Variants in ARMC10 observed in about 807,000 individuals in gnomAD.
ARMC10 encodes the protein armadillo repeat containing 10, also known as armadillo repeat-containing protein 10.
In ARMC10, 23 loss-of-function variants were observed where a neutral mutation model predicts 30.2. The ratio of observed to expected loss-of-function variants is 0.76; its 90% confidence interval spans 0.55 to 1.08. The LOEUF (loss-of-function observed/expected upper bound fraction) is 1.08, where lower values mean the gene tolerates loss of function less well. Ranked by LOEUF, ARMC10 falls within the 50% of genes least tolerant of loss-of-function variation. ARMC10 has a pLI of 0.00. For synonymous variants in ARMC10, 111 were observed against 164.4 expected (o/e 0.68, Z 2.48); for missense variants, 303 against 413.7 (o/e 0.73, Z 2.32).
intron 6 of ARMC10, 87 bp from the exon 7 acceptor site, chr7:103,098,212 C>CA: frequency 8.6e-7 from 1 of 1,161,240 alleles, no homozygotes; most frequent in Non-Finnish European, 1.1e-6. Context: ...GTGAGTTATT[C>CA]AATGTAGTTT....
chr7:103,082,985 C>T, intron 2 of ARMC10: 1 of 447,766 alleles, frequency 2.2e-6, no homozygotes, highest in Non-Finnish European at 4.5e-6. Context: ...TTGGTTTACT[C>T]TCATAGCTTT....
intron 4 of ARMC10, chr7:103,087,832 A>G (rs1021223059): frequency 1.0e-6 from 1 of 965,970 alleles, no homozygotes; most frequent in African/African-American, 1.8e-5. Flanking sequence ...CAAGTACTAT[A>G]TAGACTAGAA....
intron 5 of ARMC10, 136 bp from the exon 6 acceptor site, chr7:103,097,141 G>A: frequency 1.4e-6 from 1 of 719,432 alleles, no homozygotes; most frequent in South Asian, 1.6e-5. Flanking sequence ...AAGGTTTCCT[G>A]GAGTAGAGAG....
chr7:103,083,653 T>TA, intron 2 of ARMC10, 29 bp from the exon 3 acceptor site: 1 of 1,586,066 alleles, frequency 6.3e-7, no homozygotes. Flanking sequence ...GATTTTAGCT[T>TA]AACTTCAAAT....
intron 4 of ARMC10, among the ~76,000 whole-genome samples, chr7:103,091,488 T>TTATA (rs71110812): frequency 0.023 from 671 of 29,032 alleles, 5 homozygotes; most frequent in Middle Eastern, 0.056. Context: ...AAGGGGTGAA[T>TTATA]TATATATATA....
At chr7:103,084,557 C>T (rs2129521744) in intron 3 of ARMC10, among the ~76,000 whole-genome samples, 1 of 152,226 alleles carries the variant, frequency 6.6e-6, no homozygotes, top group East Asian at 1.9e-4. Flanking sequence ...ACAGAATTCA[C>T]TTTAAATTAT....
At position 103,097,362 on chromosome 7, in the gene ARMC10, A is replaced by AT. The variant is rs770528219; in HGVS notation, c.777+15dup. ...CTCCGTGCCCAAGTAAATAGCTTAT[A>AT]TATTTATTTTGTAAATATACACATA... On this transcript the variant is annotated intron_variant, in intron 6 of 6. Transcript: ENST00000323716. The AT allele has an allele frequency of 3.8e-6, 6 of 1,571,314 alleles. No homozygotes were observed. In the South Asian group the frequency reaches 5.6e-5, roughly 15 times the overall value.
rs913253646 is a variant in ARMC10, at chr7:103,075,674, C to T, written c.140-103C>T. 1.0e-5 allele frequency: 10 copies of T among 956,012 alleles called. No individual in the cohort carries two copies. The African/African-American group carries it at 1.7e-4, about 16-fold the overall frequency. The allele number at this position is 956,012 out of a possible 1,614,324, so 59.2% of individuals were successfully genotyped here. A position where few individuals can be genotyped will look rare whatever the true frequency, so the allele number is the denominator to read the frequency against. On this transcript the variant is annotated intron_variant, in intron 1 of 6. Transcript: ENST00000323716. The stretch of plus-strand genomic sequence containing the variant: ...TCTTAAAAACCTGTTGATGGCCTCT[C>T]ATTTTAAAGCTTGCTCCGGGCCTTT...
intron 4 of ARMC10, among the ~76,000 whole-genome samples, chr7:103,091,018 G>A (rs555552857): frequency 6.6e-6 from 1 of 152,144 alleles, no homozygotes; most frequent in South Asian, 2.1e-4. Flanking sequence ...TGGGACAATT[G>A]GTAACTTACC....
chr7:103,096,880 G>C, intron 5 of ARMC10: 1 of 201,980 alleles, frequency 5.0e-6, no homozygotes, highest in Non-Finnish European at 1.0e-5. Flanking sequence ...GAAGACATTT[G>C]CAATATTCTA....
Position 103,087,704 on chromosome 7 carries a change from A to G in ARMC10, c.528+940A>G, listed in dbSNP as rs904892729. On this transcript the variant is annotated intron_variant, in intron 4 of 6. Coordinates refer to ENST00000323716, the MANE Select transcript of ARMC10 (RefSeq NM_031905.5). ...ATAACCAAACTTTATTTCCTTGAAT[A>G]TAATGTTGATGGCAAGATTTGTAAG... 3 of 869,410 alleles carry G rather than the reference A, an allele frequency of 3.5e-6. No individual in the cohort carries two copies. The Admixed American group carries it at 1.9e-4, about 54-fold the overall frequency. The allele number at this position is 869,410 out of a possible 1,614,324, so 53.9% of individuals were successfully genotyped here. A position where few individuals can be genotyped will look rare whatever the true frequency, so the allele number is the denominator to read the frequency against.
intron 4 of ARMC10, among the ~76,000 whole-genome samples, chr7:103,090,520 A>G (rs991522119): frequency 4.6e-4 from 70 of 152,156 alleles, no homozygotes; most frequent in Admixed American, 4.5e-3. Context: ...TTGTTTTGAG[A>G]CGGAGTCTCA....
At chr7:103,096,410 A>G (rs956107456) in intron 5 of ARMC10, 4 of 152,216 alleles carry the variant, frequency 2.6e-5, no homozygotes, top group African/African-American at 9.7e-5. Context: ...ACATTAAAAG[A>G]TAACCTCAAA....
At chr7:103,080,892 C>T (rs1203157563) in intron 2 of ARMC10, among the ~76,000 whole-genome samples, 1 of 151,624 alleles carries the variant, frequency 6.6e-6, no homozygotes, top group East Asian at 2.0e-4. Context: ...TCCCAGAGTG[C>T]TGGGATTACA....
At chr7:103,080,863 T>C (rs561750221) in intron 2 of ARMC10, among the ~76,000 whole-genome samples, 12 of 152,198 alleles carry the variant, frequency 7.9e-5, no homozygotes, top group African/African-American at 2.9e-4. Context: ...CCTAACCTCG[T>C]GATCCGCCCA....
chr7:103,096,380 T>C (rs1230804514), intron 5 of ARMC10: 1 of 152,148 alleles, frequency 6.6e-6, no homozygotes. Flanking sequence ...TGCTTATTTA[T>C]ATGATTGTAA....
Position 103,075,207 on chromosome 7 carries a change from C to G in ARMC10, c.-66C>G, listed in dbSNP as rs550729212. On this transcript the variant is annotated 5_prime_UTR_variant, in exon 1 of 7. Transcript: ENST00000323716. ...CGGCTAGGCCCGCGTGCGCTGGAGA[C>G]CTCCGCGCTGGCCCCCGCGAGCCTC... The G allele has an allele frequency of 7.2e-6, 8 of 1,105,170 alleles. No homozygotes were observed. In the Admixed American group the frequency reaches 3.4e-4, roughly 47 times the overall value. The allele number at this position is 1,105,170 out of a possible 1,614,324, so 68.5% of individuals were successfully genotyped here.
intron 2 of ARMC10, 93 bp downstream of exon 2, chr7:103,075,974 G>C: frequency 1.1e-6 from 1 of 937,794 alleles, no homozygotes; most frequent in Non-Finnish European, 1.5e-6. Context: ...AAAGTTGATC[G>C]GTACATTAAA....
At chr7:103,080,564 T>C (rs1340752798) in intron 2 of ARMC10, among the ~76,000 whole-genome samples, 3 of 150,544 alleles carry the variant, frequency 2.0e-5, no homozygotes, top group Non-Finnish European at 4.4e-5. Flanking sequence ...CGATAAATGG[T>C]TTTTATTAGA....
Sources: allele counts gnomAD v4.1 joint callset (sites outside exome capture counted in the v4.1 genomes callset), GRCh38; gene constraint gnomAD v4.1.1; transcripts MANE v1.5; gene names NCBI Gene and HGNC (gene_info 2026-07-23, HGNC 2026-07-21).